Variants in CMTM7 observed in about 807,000 individuals in gnomAD.
CMTM7 encodes CKLF like MARVEL transmembrane domain containing 7.
In CMTM7, 7 loss-of-function variants were observed where a neutral mutation model predicts 19.3. That is an observed-to-expected ratio of 0.36 (90% CI 0.21 to 0.68). The LOEUF (loss-of-function observed/expected upper bound fraction) is 0.68, where lower values mean the gene tolerates loss of function less well. Among genes scored for constraint, CMTM7 ranks in the 30% least tolerant of loss-of-function variants. The pLI is 0.60. For missense variants in CMTM7, 193 were observed against 232.6 expected (o/e 0.83, Z 1.11); for synonymous variants, 87 against 99.3 (o/e 0.88, Z 0.74).
chr3:32,415,529 C>G (rs1696247591), intron 1 of CMTM7, among the ~76,000 whole-genome samples: 1 of 152,232 alleles, frequency 6.6e-6, no homozygotes, highest in Non-Finnish European at 1.5e-5. Flanking sequence ...AGTGGAACTG[C>G]TGGATTCCTA....
At chr3:32,398,597 T>C (rs1190516234) in intron 1 of CMTM7, among the ~76,000 whole-genome samples, 1 of 151,998 alleles carries the variant, frequency 6.6e-6, no homozygotes, top group East Asian at 1.9e-4. Context: ...GTATAGAGCA[T>C]ATACTAGGGA....
chr3:32,448,782 A>T (rs904687995), intron 2 of CMTM7, among the ~76,000 whole-genome samples: 4 of 140,948 alleles, frequency 2.8e-5, no homozygotes, highest in African/African-American at 1.1e-4. Flanking sequence ...GAATGACAGG[A>T]AAAAAAAAAA....
chr3:32,422,934 C>G (rs1223104484), intron 1 of CMTM7, among the ~76,000 whole-genome samples: 1 of 152,190 alleles, frequency 6.6e-6, no homozygotes, highest in African/African-American at 2.4e-5. Flanking sequence ...GAATGTATAT[C>G]ACTTCCATAC....
intron 1 of CMTM7, among the ~76,000 whole-genome samples, chr3:32,400,374 GCTTTT>G (rs1267607051): frequency 1.4e-5 from 2 of 147,580 alleles, no homozygotes; most frequent in Non-Finnish European, 3.0e-5. Flanking sequence ...TTTTGTAAAT[GCTTTT>G]CTTTTTTTTT....
chr3:32,392,399 C>T (rs62250546), intron 1 of CMTM7, among the ~76,000 whole-genome samples: 1 of 151,788 alleles, frequency 6.6e-6, no homozygotes, highest in East Asian at 1.9e-4. Context: ...CGTCTTTCTT[C>T]CTCTTCTCTG....
chr3:32,424,892 C>T (rs1696405825), intron 1 of CMTM7, among the ~76,000 whole-genome samples: 1 of 152,122 alleles, frequency 6.6e-6, no homozygotes, highest in East Asian at 1.9e-4. Context: ...AAGATCTGTC[C>T]ACCTCGGCCT....
rs186196171 is a variant in CMTM7 at position 32,405,835 on chromosome 3, G to A, written c.159+13770G>A. The stretch of plus-strand genomic sequence containing the variant: ...TCTCCAAGCTGTCAGCCTCTTCTCC[G>A]TGGTGTTTTCTTGGAGCAAGTCCAA... On this transcript the variant is annotated intron_variant, in intron 1 of 4. Coordinates refer to ENST00000334983, the MANE Select transcript of CMTM7 (RefSeq NM_138410.4). Among the ~76,000 whole-genome samples, 202 of 152,320 alleles carry A rather than the reference G, an allele frequency of 1.3e-3. 1 individual carries two copies. Among genetic ancestry groups the A allele is most frequent in the Non-Finnish European group, 2.6e-4 (18 of 68,034 alleles).
chr3:32,418,093 A>G (rs1696293498), intron 1 of CMTM7, among the ~76,000 whole-genome samples: 1 of 152,204 alleles, frequency 6.6e-6, no homozygotes, highest in Non-Finnish European at 1.5e-5. Flanking sequence ...AAGTGCTGGG[A>G]TTACAGTTGC....
chr3:32,393,247 C>A (rs1695865851), intron 1 of CMTM7, among the ~76,000 whole-genome samples: 1 of 152,204 alleles, frequency 6.6e-6, no homozygotes, highest in Non-Finnish European at 1.5e-5. Flanking sequence ...TGAGTTCCTG[C>A]CTCCCTAAGA....
At chr3:32,409,700 G>A (rs1023420820) in intron 1 of CMTM7, among the ~76,000 whole-genome samples, 1 of 152,200 alleles carries the variant, frequency 6.6e-6, no homozygotes, top group Non-Finnish European at 1.5e-5. Context: ...TCAGTTTGGT[G>A]GGACCCTCTG....
chr3:32,408,524 A>C (rs1244529257), intron 1 of CMTM7, among the ~76,000 whole-genome samples: 1 of 152,106 alleles, frequency 6.6e-6, no homozygotes, highest in Non-Finnish European at 1.5e-5. Flanking sequence ...TGAGAGAAGC[A>C]GTCCTTGAAT....
intron 1 of CMTM7, among the ~76,000 whole-genome samples, chr3:32,406,736 G>A (rs1371549842): frequency 9.2e-5 from 14 of 152,192 alleles, no homozygotes; most frequent in Admixed American, 9.2e-4. Context: ...TTTATTGAGC[G>A]AGGAAAGTAA....
In CMTM7 at chr3:32,392,083, G is replaced by T; in HGVS notation, c.159+18G>T. On this transcript the variant is annotated intron_variant, in intron 1 of 4. Transcript: ENST00000334983. ...CGCAAATGGTAAGTGAGCGCGGGGC[G>T]CGAGGCCGAGGTTCTACAGGGCGTC... The T allele has an allele frequency of 8.1e-7, 1 of 1,231,868 alleles. No homozygotes were observed. The highest frequency in any genetic ancestry group is 3.2e-5 in the East Asian group (1 of 31,584). The allele number at this position is 1,231,868 out of a possible 1,614,324, so 76.3% of individuals were successfully genotyped here.
At chr3:32,400,626 C>T (rs6787195) in intron 1 of CMTM7, among the ~76,000 whole-genome samples, 1 of 150,898 alleles carries the variant, frequency 6.6e-6, no homozygotes, top group Non-Finnish European at 1.5e-5. Context: ...CTCCTGACTT[C>T]GTGATCCACC....
intron 3 of CMTM7, chr3:32,452,016 T>A (rs1254680012): frequency 4.2e-6 from 5 of 1,204,218 alleles, no homozygotes; most frequent in Non-Finnish European, 5.5e-6. Flanking sequence ...AACGTTCAGA[T>A]TTTTTTAACC....
At chr3:32,442,162 G>C in intron 2 of CMTM7, 149 bp downstream of exon 2, 1 of 599,634 alleles carries the variant, frequency 1.7e-6, no homozygotes, top group Non-Finnish European at 2.7e-6. Flanking sequence ...ATTGTTTGGT[G>C]GACATCTCTG....
rs534438160 is a variant in CMTM7 at position 32,423,681 on chromosome 3, G to C, written c.160-18159G>C. 7.9e-5 allele frequency among the ~76,000 whole-genome samples: 12 copies of C among 152,334 alleles called. No individual in the cohort carries two copies. In the South Asian group the frequency reaches 2.5e-3, roughly 32 times the overall value. ...ACTGCAGTGATGTAGTATGGAGGTG[G>C]GGGTTTATCAAGCTATTCTCAAGGT... On this transcript the variant is annotated intron_variant, in intron 1 of 4. Transcript: ENST00000334983.
intron 1 of CMTM7, among the ~76,000 whole-genome samples, chr3:32,411,918 A>C (rs1473906420): frequency 2.0e-5 from 3 of 152,070 alleles, no homozygotes; most frequent in Non-Finnish European, 4.4e-5. Flanking sequence ...GGGAAGGGGC[A>C]AGGCAGGAGG....
intron 1 of CMTM7, among the ~76,000 whole-genome samples, chr3:32,400,199 T>C (rs1695979763): frequency 6.6e-6 from 1 of 151,908 alleles, no homozygotes; most frequent in Non-Finnish European, 1.5e-5. Flanking sequence ...TTTGTATTTT[T>C]AGTAGAGACG....
Sources: allele counts gnomAD v4.1 joint callset (sites outside exome capture counted in the v4.1 genomes callset), GRCh38; gene constraint gnomAD v4.1.1; transcripts MANE v1.5; gene names NCBI Gene and HGNC (gene_info 2026-07-23, HGNC 2026-07-21).